CNTNAP2: variants seen among roughly 807,000 people sequenced by gnomAD.
CNTNAP2 encodes contactin associated protein 2.
A neutral mutation model predicts 155.2 loss-of-function variants in CNTNAP2; 98 were observed. The observed-to-expected ratio is 0.63, with a 90% confidence interval of 0.54 to 0.75. The LOEUF (loss-of-function observed/expected upper bound fraction) is 0.75. Among genes scored for constraint, CNTNAP2 ranks in the 30% least tolerant of loss-of-function variants. The pLI is 0.00. For synonymous variants in CNTNAP2, 651 were observed against 631.2 expected, an observed-to-expected ratio of 1.03 and a Z score of -0.47; for missense variants, 1,727 against 1,688.1, an observed-to-expected ratio of 1.02 and a Z score of -0.40.
intron 1 of CNTNAP2, among the ~76,000 whole-genome samples, chr7:146,191,772 C>G (rs1249215450): frequency 6.6e-6 from 1 of 152,206 alleles, no homozygotes; most frequent in East Asian, 1.9e-4. Flanking sequence ...GCCCGGCTCT[C>G]AGGCAGTCAG....
intron 2 of CNTNAP2, among the ~76,000 whole-genome samples, chr7:146,804,643 G>A (rs1802936069): frequency 6.6e-6 from 1 of 152,108 alleles, no homozygotes; most frequent in Non-Finnish European, 1.5e-5. Context: ...GATATCACTT[G>A]GTATTAATTC....
At chr7:147,184,024 C>A (rs1802517034) in intron 8 of CNTNAP2, among the ~76,000 whole-genome samples, 1 of 151,964 alleles carries the variant, frequency 6.6e-6, no homozygotes, top group Admixed American at 6.6e-5. Context: ...TCATCTATTG[C>A]AATAAATGAA....
chr7:148,260,389 T>G (rs1389852411), intron 20 of CNTNAP2, among the ~76,000 whole-genome samples: 2 of 152,188 alleles, frequency 1.3e-5, no homozygotes, highest in East Asian at 3.8e-4. Context: ...CTAATATCTA[T>G]TCAATAAGAC....
chr7:147,782,515 A>G (rs1797674591), intron 13 of CNTNAP2, among the ~76,000 whole-genome samples: 1 of 152,178 alleles, frequency 6.6e-6, no homozygotes, highest in Admixed American at 6.5e-5. Context: ...GCCACTCTCT[A>G]CTTTACAGAT....
intron 1 of CNTNAP2, among the ~76,000 whole-genome samples, chr7:146,632,478 C>T (rs1273185463): frequency 6.6e-6 from 1 of 151,950 alleles, no homozygotes; most frequent in Non-Finnish European, 1.5e-5. Context: ...ACTTAAGTAA[C>T]ATTGGCCATG....
intron 10 of CNTNAP2, among the ~76,000 whole-genome samples, chr7:147,460,080 G>A (rs972685357): frequency 5.9e-5 from 9 of 151,930 alleles, no homozygotes; most frequent in Non-Finnish European, 1.0e-4. Context: ...ACCATGGCAT[G>A]TGTATACCTA....
At chr7:146,471,833 T>C (rs1317085406) in intron 1 of CNTNAP2, among the ~76,000 whole-genome samples, 1 of 152,212 alleles carries the variant, frequency 6.6e-6, no homozygotes, top group East Asian at 1.9e-4. Flanking sequence ...ATTTCAGGAA[T>C]TCTGTGGATA....
intron 23 of CNTNAP2, among the ~76,000 whole-genome samples, 191 bp from the exon 24 acceptor site, chr7:148,415,225 TC>T (rs1266221289): frequency 6.6e-6 from 1 of 152,226 alleles, no homozygotes; most frequent in African/African-American, 2.4e-5. Context: ...GACAAGTTAC[TC>T]CTGTTTTTCC....
chr7:147,121,020 AT>A lies in CNTNAP2; in HGVS notation c.797del (p.Met266ArgfsTer49). 1 of 1,614,014 alleles carries A rather than the reference AT, an allele frequency of 6.2e-7. No individual in the cohort carries two copies. The highest frequency in any genetic ancestry group is 8.5e-7 in the Non-Finnish European group (1 of 1,180,000). ...LGPIYGHTSV[M>X]TGSLLDDHHW... ...CCCCATATATGGCCACACATCAGTG[AT>A]GACAGGAAGTTTGCTGGATGACCAC... On this transcript the variant is annotated frameshift_variant, in exon 6 of 24. Transcript: ENST00000361727. LOFTEE classifies it high-confidence loss of function.
chr7:146,928,509 G>A (rs969589879), intron 3 of CNTNAP2, among the ~76,000 whole-genome samples: 3 of 152,166 alleles, frequency 2.0e-5, no homozygotes, highest in South Asian at 2.1e-4. Context: ...CATGAACGAC[G>A]CAGAAGACGG....
Position 146,663,295 on chromosome 7 carries a change from A to G in CNTNAP2, c.98-110976A>G, listed in dbSNP as rs202089290. On this transcript the variant is annotated intron_variant, in intron 1 of 23. Coordinates refer to ENST00000361727, the MANE Select transcript of CNTNAP2 (RefSeq NM_014141.6). Reference sequence around the variant, plus strand: ...TCCATCTCAAAAAAAAAAAAAAAAAAAAAGAAAGAAAGAAAAAGAAAGGAA... The same window carrying G: ...TCCATCTCAAAAAAAAAAAAAAAAAGAAAGAAAGAAAGAAAAAGAAAGGAA... Among the ~76,000 whole-genome samples, 52 of 41,372 alleles carry G rather than the reference A, an allele frequency of 1.3e-3. No individual in the cohort carries two copies. In the East Asian group the frequency reaches 0.05, roughly 40 times the overall value. 27.1% of individuals were successfully genotyped at this position (41,372 alleles called of 152,430 possible).
intron 3 of CNTNAP2, among the ~76,000 whole-genome samples, chr7:147,023,720 C>T (rs1197869847): frequency 6.6e-6 from 1 of 152,226 alleles, no homozygotes; most frequent in East Asian, 1.9e-4. Flanking sequence ...GACTTCTAGG[C>T]ATCTGCCCTC....
intron 3 of CNTNAP2, among the ~76,000 whole-genome samples, chr7:146,926,749 C>T (rs533617346): frequency 1.3e-5 from 2 of 151,954 alleles, no homozygotes; most frequent in Non-Finnish European, 2.9e-5. Context: ...ATAAATATTA[C>T]AAAGTTGTAA....
intron 1 of CNTNAP2, among the ~76,000 whole-genome samples, chr7:146,665,367 CT>C (rs1800172095): frequency 6.6e-6 from 1 of 152,196 alleles, no homozygotes. Flanking sequence ...CTTATTTTCT[CT>C]ATTATTTTAA....
intron 1 of CNTNAP2, among the ~76,000 whole-genome samples, chr7:146,280,301 A>G (rs1471264349): frequency 1.3e-5 from 2 of 152,232 alleles, no homozygotes; most frequent in African/African-American, 2.4e-5. Flanking sequence ...TGCAATGATC[A>G]AGAATGAGCC....
intron 8 of CNTNAP2, among the ~76,000 whole-genome samples, chr7:147,248,767 T>A (rs996888838): frequency 3.3e-5 from 5 of 152,214 alleles, no homozygotes; most frequent in African/African-American, 1.2e-4. Context: ...AGAAGATGAA[T>A]TTTGAATGCC....
chr7:148,248,350 C>T (rs1796310687), intron 20 of CNTNAP2, among the ~76,000 whole-genome samples: 1 of 152,084 alleles, frequency 6.6e-6, no homozygotes, highest in African/African-American at 2.4e-5. Flanking sequence ...AGGCACATGG[C>T]ACTACACCCG....
At chr7:146,714,601 T>C (rs1801155168) in intron 1 of CNTNAP2, among the ~76,000 whole-genome samples, 2 of 152,224 alleles carry the variant, frequency 1.3e-5, no homozygotes, top group Admixed American at 6.5e-5. Context: ...AGTGTATACC[T>C]ATAGGAAATA....
intron 21 of CNTNAP2, among the ~76,000 whole-genome samples, chr7:148,328,500 CTTGGTGTTCA>C (rs1797931053): frequency 1.5e-5 from 1 of 65,520 alleles, no homozygotes; most frequent in East Asian, 8.6e-4. Context: ...GATTCCATCT[CTTGGTGTTCA>C]ATAGGCCTTG....
Sources: allele counts gnomAD v4.1 joint callset (sites outside exome capture counted in the v4.1 genomes callset), GRCh38; gene constraint gnomAD v4.1.1; transcripts MANE v1.5; gene names NCBI Gene and HGNC (gene_info 2026-07-23, HGNC 2026-07-21).